The following BRINP2 variants were observed in gnomAD, a reference collection of about 807,000 sequenced individuals.
The protein encoded by BRINP2 is BMP/retinoic acid inducible neural specific 2, also known as BMP/retinoic acid-inducible neural-specific protein 2.
Under a neutral mutation model 69.2 loss-of-function variants are expected in BRINP2, and 21 were observed. The ratio of observed to expected loss-of-function variants is 0.30; its 90% CI spans 0.22 to 0.44. The LOEUF (loss-of-function observed/expected upper bound fraction) is 0.44. BRINP2 is among the 20% of genes least tolerant of loss of function. The pLI is 1.00. For synonymous variants in BRINP2, 380 were observed against 394.1 expected, an observed-to-expected ratio of 0.96 and a Z score of 0.42; for missense variants, 877 against 986.0, an observed-to-expected ratio of 0.89 and a Z score of 1.48.
chr1:177,238,581 G>A (rs917521562), intron 2 of BRINP2, among the ~76,000 whole-genome samples: 6 of 152,210 alleles, frequency 3.9e-5, no homozygotes, highest in African/African-American at 1.4e-4. Flanking sequence ...ATGTCCAAGA[G>A]ACAAGAGCCT....
At chr1:177,247,298 G>T (rs562681644) in intron 2 of BRINP2, among the ~76,000 whole-genome samples, 22 of 152,330 alleles carry the variant, frequency 1.4e-4, no homozygotes, top group African/African-American at 5.3e-4. Context: ...CAAGTCTCAA[G>T]CTAATTGTGG....
rs77363726 is a variant in BRINP2, at chr1:177,224,421, T to C, written c.-76-5380T>C. Among the ~76,000 whole-genome samples, 1,470 of 152,286 alleles carry C rather than the reference T, an allele frequency of 9.7e-3. 20 individuals carry two copies. The highest frequency in any genetic ancestry group is 0.033 in the African/African-American group (1,373 of 41,560). On this transcript the variant is annotated intron_variant, in intron 1 of 7. Coordinates refer to ENST00000361539, the MANE Select transcript of BRINP2 (RefSeq NM_021165.4). The stretch of plus-strand genomic sequence containing the variant: ...TTCCTTCCAAAGAAGACTAAAATCA[T>C]AATGCCTCTCCCCTTACATATGTGC...
At chr1:177,259,941 A>G (rs1349753709) in intron 4 of BRINP2, among the ~76,000 whole-genome samples, 1 of 152,260 alleles carries the variant, frequency 6.6e-6, no homozygotes, top group Non-Finnish European at 1.5e-5. Flanking sequence ...TCTGTAGCCC[A>G]TGAATCAAGG....
chr1:177,273,563 C>T lies in BRINP2; in HGVS notation c.745C>T (p.Gln249Ter). The change falls in exon 5 of 8, where the codon CAG (glutamine) becomes TAG (stop). Residue 249 changes from glutamine (Q) to a stop codon, truncating the protein, a stop_gained. Coordinates refer to ENST00000361539, the MANE Select transcript of BRINP2 (RefSeq NM_021165.4). LOFTEE classifies it high-confidence loss of function. Reference protein sequence around the residue: ...NLDSVSSVLVQSPENKVQLLG... With the variant: ...NLDSVSSVLV ...GGACTCAGTCAGTTCTGTCTTGGTA[C>T]AGAGTCCAGAGAACAAAGTACAGTT... The T allele has an allele frequency of 1.2e-6, 2 of 1,605,104 alleles. No homozygotes were observed. Among genetic ancestry groups the T allele is most frequent in the Non-Finnish European group, 8.5e-7 (1 of 1,175,336 alleles).
At position 177,257,321 on chromosome 1, in the gene BRINP2, C is replaced by A; in HGVS notation, c.606C>A (p.Phe202Leu). ...TGCACCAGCTGGCCGCCTCCTACTT[C>A]ATCGACAGAGAGAGCACGCTGCGAC... The part of the protein sequence containing the change: ...ETLHQLAASY[F>L]IDRESTLRRL... The change falls in exon 4 of 8, where the codon TTC becomes TTA. Residue 202 changes from phenylalanine (F) to leucine (L), a missense_variant. Transcript: ENST00000361539. 2 of 1,614,034 alleles carry A rather than the reference C, an allele frequency of 1.2e-6. No homozygotes were observed. Among genetic ancestry groups the A allele is most frequent in the Non-Finnish European group, 1.7e-6 (2 of 1,180,012 alleles).
chr1:177,195,755 A>G (rs1174445181), intron 1 of BRINP2, among the ~76,000 whole-genome samples: 1 of 152,006 alleles, frequency 6.6e-6, no homozygotes, highest in Non-Finnish European at 1.5e-5. Flanking sequence ...CAGCCGGAGA[A>G]CAAAACACAC....
intron 1 of BRINP2, among the ~76,000 whole-genome samples, chr1:177,195,900 G>A (rs962634721): frequency 1.3e-5 from 2 of 152,136 alleles, no homozygotes; most frequent in African/African-American, 4.8e-5. Flanking sequence ...CTGATTTGTT[G>A]CTTCTTTTAA....
At chr1:177,198,204 A>G (rs1648802497) in intron 1 of BRINP2, among the ~76,000 whole-genome samples, 1 of 152,232 alleles carries the variant, frequency 6.6e-6, no homozygotes, top group Non-Finnish European at 1.5e-5. Flanking sequence ...ATGTTCACAT[A>G]TATATTACAT....
intron 2 of BRINP2, among the ~76,000 whole-genome samples, chr1:177,245,854 C>T (rs572365942): frequency 6.6e-6 from 1 of 152,262 alleles, no homozygotes; most frequent in African/African-American, 2.4e-5. Flanking sequence ...CAGTGATCTC[C>T]TCCTCCTCCT....
chr1:177,271,903 T>C (rs1018366997), intron 4 of BRINP2, among the ~76,000 whole-genome samples: 1 of 152,182 alleles, frequency 6.6e-6, no homozygotes, highest in African/African-American at 2.4e-5. Context: ...CCTGCCTCTC[T>C]CCCGACTGTT....
Position 177,280,700 on chromosome 1 carries a change from C to T in BRINP2, c.1524C>T (p.Asp508=), listed in dbSNP as rs1651668171. 6.2e-7 allele frequency: 1 copy of T among 1,614,120 alleles called. No individual in the cohort carries two copies. Among genetic ancestry groups the T allele is most frequent in the Non-Finnish European group, 8.5e-7 (1 of 1,180,058 alleles). The stretch of plus-strand genomic sequence containing the variant: ...AAAACTTTCTTGGGCTGGAGACAGA[C>T]TTGCAGGACCTGGAGCTAAAGTACC... ...SLENFLGLET[D]LQDLELKYLL... The change falls in exon 8 of 8, where the codon GAC becomes GAT. Residue 508 remains aspartate (D), a synonymous_variant. Transcript: ENST00000361539.
At chr1:177,191,644 T>C (rs1404995680) in intron 1 of BRINP2, among the ~76,000 whole-genome samples, 1 of 152,122 alleles carries the variant, frequency 6.6e-6, no homozygotes, top group African/African-American at 2.4e-5. Context: ...TTAGTAGAGA[T>C]GGGATTTCAT....
chr1:177,223,868 T>TG lies in BRINP2; in HGVS notation c.-76-5929dup, dbSNP rs576785513. On this transcript the variant is annotated intron_variant, in intron 1 of 7. Coordinates refer to ENST00000361539, the MANE Select transcript of BRINP2 (RefSeq NM_021165.4). ...ACACTGAAGGTCGAATCCTGGAGCCTGGGGAGGGCAGTGACAAAATGTGTC... is the reference window on the plus strand; with the variant it reads ...ACACTGAAGGTCGAATCCTGGAGCCTGGGGGAGGGCAGTGACAAAATGTGTC... Among the ~76,000 whole-genome samples the TG allele has an allele frequency of 4.0e-3, 611 of 152,176 alleles. 2 individuals carry two copies. The highest frequency in any genetic ancestry group is 7.2e-3 in the Non-Finnish European group (491 of 67,988).
chr1:177,259,214 A>G (rs1176226425), intron 4 of BRINP2, among the ~76,000 whole-genome samples: 1 of 152,164 alleles, frequency 6.6e-6, no homozygotes. Flanking sequence ...AGTGGTCTGG[A>G]TAGAAGATCA....
rs1650791791 is a variant in BRINP2, at chr1:177,257,163, T to C, written c.461-13T>C. On this transcript the variant is annotated splice_polypyrimidine_tract_variant and intron_variant, in intron 3 of 7. Transcript: ENST00000361539. ...AGAGAGCGTCACCAATACACTCGTG[T>C]TGTTCACCATAGGAGAAGAGTCCCT... The C allele has an allele frequency of 6.2e-7, 1 of 1,613,574 alleles. No individual in the cohort carries two copies.
At chr1:177,244,174 T>C (rs1466055526) in intron 2 of BRINP2, among the ~76,000 whole-genome samples, 1 of 152,216 alleles carries the variant, frequency 6.6e-6, no homozygotes, top group East Asian at 1.9e-4. Flanking sequence ...AAAAAATTTC[T>C]GGGGCTGGAA....
At chr1:177,241,841 A>C (rs1168395744) in intron 2 of BRINP2, among the ~76,000 whole-genome samples, 2 of 152,198 alleles carry the variant, frequency 1.3e-5, no homozygotes, top group Non-Finnish European at 2.9e-5. Context: ...CTCAGGACAC[A>C]GGGTGACTCT....
intron 1 of BRINP2, among the ~76,000 whole-genome samples, chr1:177,201,173 A>G (rs1648899256): frequency 1.3e-5 from 2 of 152,220 alleles, no homozygotes; most frequent in African/African-American, 4.8e-5. Flanking sequence ...TGTTTCCCCC[A>G]AAACTATTGA....
intron 1 of BRINP2, among the ~76,000 whole-genome samples, chr1:177,172,078 A>C (rs1230999833): frequency 1.3e-5 from 2 of 152,246 alleles, no homozygotes; most frequent in East Asian, 3.9e-4. Flanking sequence ...GCATAATTGC[A>C]GAAGATGACG....
Sources: gnomAD v4.1 joint callset for allele counts (sites outside exome capture counted in the v4.1 genomes callset) on GRCh38, gnomAD v4.1.1 for gene constraint, MANE v1.5 for transcripts, NCBI Gene and HGNC (gene_info 2026-07-23, HGNC 2026-07-21) for gene names.